PXT1: variants seen among roughly 807,000 people sequenced by gnomAD.
PXT1 encodes peroxisomal testis enriched protein 1.
In PXT1, 11 loss-of-function variants were observed where a neutral mutation model predicts 11.0. The observed-to-expected ratio is 1.00, with a 90% CI of 0.63 to 1.66. The LOEUF (loss-of-function observed/expected upper bound fraction) is 1.66, where lower values mean the gene tolerates loss of function less well. Ranked by LOEUF, PXT1 falls within the 40% of genes most tolerant of loss-of-function variation. The pLI is 0.00. For missense variants in PXT1, 141 were observed against 155.5 expected, an observed-to-expected ratio of 0.91 and a Z score of 0.49; for synonymous variants, 43 against 51.4, an observed-to-expected ratio of 0.84 and a Z score of 0.70.
chr6:36,441,840 C>G (rs1774874674), intron 1 of PXT1, among the ~76,000 whole-genome samples: 1 of 151,536 alleles, frequency 6.6e-6, no homozygotes. Context: ...ATTTGCTATA[C>G]AAGTATCCGT....
At position 36,417,093 on chromosome 6, in the gene PXT1, C is replaced by A. The variant is rs192174188; in HGVS notation, c.169+8821G>T. ...GGGCACAGTGGCTCACGCCTGTAAT[C>A]CCAGCACTTTGGGAGGCCGAGGCGG... On this transcript the variant is annotated intron_variant, in intron 3 of 4. Coordinates refer to ENST00000454782, the MANE Select transcript of PXT1 (RefSeq NM_152990.4). Among the ~76,000 whole-genome samples the A allele has an allele frequency of 1.9e-4, 29 of 152,314 alleles. No individual in the cohort carries two copies. The East Asian group carries it at 2.5e-3, about 13-fold the overall frequency.
At chr6:36,423,192 C>G (rs1343519615) in intron 3 of PXT1, among the ~76,000 whole-genome samples, 1 of 152,204 alleles carries the variant, frequency 6.6e-6, no homozygotes, top group East Asian at 1.9e-4. Context: ...TGTCACAGCC[C>G]CGGACAGAAG....
chr6:36,426,650 G>T (rs1376504169), intron 2 of PXT1, among the ~76,000 whole-genome samples: 1 of 152,106 alleles, frequency 6.6e-6, no homozygotes, highest in Non-Finnish European at 1.5e-5. Context: ...GATTACAGGC[G>T]TGAGCCACAG....
chr6:36,439,297 C>G (rs116111804), intron 1 of PXT1, among the ~76,000 whole-genome samples: 8,421 of 150,754 alleles, frequency 0.056, 323 homozygotes, highest in South Asian at 0.14. Context: ...ATTTTCTTTT[C>G]CAAATGCAGT....
chr6:36,409,683 C>T (rs1181693782), intron 3 of PXT1, among the ~76,000 whole-genome samples: 1 of 151,456 alleles, frequency 6.6e-6, no homozygotes, highest in African/African-American at 2.4e-5. Context: ...AAAAATTAGC[C>T]AGGTGTGGTG....
chr6:36,412,902 AAAGTT>A (rs1334925687), intron 3 of PXT1, among the ~76,000 whole-genome samples: 6 of 152,074 alleles, frequency 3.9e-5, no homozygotes, highest in African/African-American at 1.4e-4. Flanking sequence ...AGCCTGAAAA[AAAGTT>A]AAGTCAAAAA....
intron 3 of PXT1, among the ~76,000 whole-genome samples, chr6:36,422,591 G>A (rs1308117784): frequency 6.6e-6 from 1 of 151,988 alleles, no homozygotes; most frequent in Non-Finnish European, 1.5e-5. Flanking sequence ...TGTCATCTCA[G>A]TACCTAGCAC....
chr6:36,395,127 A>G (rs1272426954), intron 4 of PXT1, among the ~76,000 whole-genome samples: 2 of 152,108 alleles, frequency 1.3e-5, no homozygotes, highest in Non-Finnish European at 1.5e-5. Flanking sequence ...GCCCGGCCTA[A>G]AAGATGTTAT....
chr6:36,408,273 T>A (rs1414790713), intron 3 of PXT1, among the ~76,000 whole-genome samples: 9 of 151,300 alleles, frequency 5.9e-5, no homozygotes, highest in Admixed American at 5.9e-4. Flanking sequence ...TTTTTTTTTT[T>A]TTTTAATACA....
chr6:36,401,974 G>GTA (rs1337640354), intron 3 of PXT1, among the ~76,000 whole-genome samples: 37 of 145,718 alleles, frequency 2.5e-4, no homozygotes, highest in African/African-American at 8.7e-4. Flanking sequence ...ATATATATAT[G>GTA]TATATATATA....
chr6:36,441,250 CTGTACTTT>C (rs1743407348), intron 1 of PXT1, among the ~76,000 whole-genome samples: 2 of 152,126 alleles, frequency 1.3e-5, no homozygotes, highest in African/African-American at 2.4e-5. Flanking sequence ...GGCTGTAACA[CTGTACTTT>C]ATAAAAATGG....
In PXT1 at chr6:36,426,258, G is replaced by A. The variant is rs184029332; in HGVS notation, c.-9-167C>T. ...CAGAGTGATCCCTAAGGTCTTTTTC[G>A]ATTTAGTTAAACATCTTTCTAGGCT... On this transcript the variant is annotated intron_variant, in intron 2 of 4. Coordinates refer to ENST00000454782, the MANE Select transcript of PXT1 (RefSeq NM_152990.4). Among the ~76,000 whole-genome samples the A allele has an allele frequency of 8.7e-5, 13 of 150,238 alleles. No homozygotes were observed. The East Asian group carries it at 2.2e-3, about 25-fold the overall frequency.
chr6:36,419,984 T>C (rs565622309), intron 3 of PXT1, among the ~76,000 whole-genome samples: 1 of 152,292 alleles, frequency 6.6e-6, no homozygotes, highest in African/African-American at 2.4e-5. Context: ...AGCTCCTAAG[T>C]AGGTGGGTTT....
chr6:36,392,032 G>C, intron 4 of PXT1, 158 bp from the exon 5 acceptor site: 1 of 591,978 alleles, frequency 1.7e-6, no homozygotes, highest in Non-Finnish European at 3.0e-6. Flanking sequence ...TGAGCTGAAG[G>C]ACAGTACCTT....
chr6:36,402,419 A>C (rs995480652), intron 3 of PXT1, among the ~76,000 whole-genome samples: 1 of 152,206 alleles, frequency 6.6e-6, no homozygotes. Flanking sequence ...ATTTCAATAA[A>C]ATTGGAGGAC....
intron 3 of PXT1, among the ~76,000 whole-genome samples, chr6:36,401,530 T>C (rs1774214503): frequency 2.6e-5 from 4 of 151,498 alleles, no homozygotes; most frequent in Admixed American, 6.6e-5. Context: ...CATGGGAGAA[T>C]TGCTTGAGCC....
chr6:36,427,336 C>G (rs1774623338), intron 2 of PXT1, among the ~76,000 whole-genome samples: 1 of 151,810 alleles, frequency 6.6e-6, no homozygotes, highest in Non-Finnish European at 1.5e-5. Flanking sequence ...GCATTTAATT[C>G]TTTTGACTTG....
At position 36,436,998 on chromosome 6, in the gene PXT1, T is replaced by C. The variant is rs1047358177; in HGVS notation, c.-10+1769A>G. Among the ~76,000 whole-genome samples the C allele has an allele frequency of 4.6e-5, 7 of 152,046 alleles. No individual in the cohort carries two copies. The South Asian group carries it at 1.0e-3, about 22-fold the overall frequency. On this transcript the variant is annotated intron_variant, in intron 2 of 4. Coordinates refer to ENST00000454782, the MANE Select transcript of PXT1 (RefSeq NM_152990.4). ...ACATTAATGTGAGGTTATATTCAAA[T>C]ATAGAGGCCAAGTGCAGTGGCTCAT...
intron 2 of PXT1, among the ~76,000 whole-genome samples, chr6:36,434,464 C>G (rs1361423115): frequency 6.6e-6 from 1 of 152,092 alleles, no homozygotes; most frequent in Admixed American, 6.6e-5. Flanking sequence ...GTTAATGTCT[C>G]TAAGAATTGT....
Sources: allele counts gnomAD v4.1 joint callset (sites outside exome capture counted in the v4.1 genomes callset), GRCh38; gene constraint gnomAD v4.1.1; transcripts MANE v1.5; gene names NCBI Gene and HGNC (gene_info 2026-07-23, HGNC 2026-07-21).